Variants in RANBP2 observed in about 807,000 individuals in gnomAD.
RANBP2 encodes E3 SUMO-protein ligase RanBP2.
In RANBP2, 57 loss-of-function variants were observed where a neutral mutation model predicts 303.6. The observed-to-expected ratio is 0.19, with a 90% CI of 0.15 to 0.23. The LOEUF (loss-of-function observed/expected upper bound fraction) is 0.23, where lower values mean the gene tolerates loss of function less well. RANBP2 is among the 10% of genes least tolerant of loss of function. The pLI is 1.00. For missense variants in RANBP2, 3,138 were observed against 3,780.8 expected, an observed-to-expected ratio of 0.83 and a Z score of 4.46; for synonymous variants, 1,167 against 1,301.5, an observed-to-expected ratio of 0.90 and a Z score of 2.23.
the RANBP2 span, among the ~76,000 whole-genome samples, chr2:109,418,185 A>G: frequency 3.3e-5 from 5 of 151,946 alleles, no homozygotes; most frequent in Non-Finnish European, 5.9e-5. Flanking sequence ...TGGGACCCCT[A>G]TTCTGCCCCT....
At chr2:108,794,754 A>G in the RANBP2 span, 1 of 1,481,078 alleles carries the variant, frequency 6.8e-7, no homozygotes, top group South Asian at 1.2e-5. Context: ...AGAATTCAGA[A>G]ATATTTATGT....
At chr2:109,429,871 C>T in the RANBP2 span, among the ~76,000 whole-genome samples, 6 of 152,200 alleles carry the variant, frequency 3.9e-5, no homozygotes, top group South Asian at 2.1e-4. Context: ...CCAAGCTCCA[C>T]GCTGTGCAGG....
chr2:109,575,834 T>C, the RANBP2 span, among the ~76,000 whole-genome samples: 1 of 152,200 alleles, frequency 6.6e-6, no homozygotes, highest in Admixed American at 6.5e-5. Context: ...TTCTATAAAG[T>C]TGCCCGACCT....
At chr2:109,185,732 A>G in the RANBP2 span, among the ~76,000 whole-genome samples, 2 of 152,220 alleles carry the variant, frequency 1.3e-5, no homozygotes, top group African/African-American at 4.8e-5. Flanking sequence ...GAGACTTTAG[A>G]CAGACAAAAC....
the RANBP2 span, among the ~76,000 whole-genome samples, chr2:109,121,429 A>C: frequency 6.6e-6 from 1 of 152,246 alleles, no homozygotes; most frequent in African/African-American, 2.4e-5. Context: ...AATTACCTAG[A>C]AAAAATACCT....
the RANBP2 span, among the ~76,000 whole-genome samples, chr2:109,252,944 C>G: frequency 6.6e-6 from 1 of 152,202 alleles, no homozygotes; most frequent in Non-Finnish European, 1.5e-5. Flanking sequence ...TGACTGTAGT[C>G]AATCACCCTA....
At chr2:109,052,039 C>T in the RANBP2 span, among the ~76,000 whole-genome samples, 8 of 152,308 alleles carry the variant, frequency 5.3e-5, no homozygotes, top group East Asian at 7.7e-4. Context: ...TGAGCCACCA[C>T]GCCTGGACTA....
At chr2:109,332,932 A>G in the RANBP2 span, among the ~76,000 whole-genome samples, 1 of 152,264 alleles carries the variant, frequency 6.6e-6, no homozygotes, top group Non-Finnish European at 1.5e-5. Context: ...ATGGGAGGAA[A>G]TTAACTGTGA....
At chr2:109,660,660 G>T in the RANBP2 span, among the ~76,000 whole-genome samples, 1 of 152,248 alleles carries the variant, frequency 6.6e-6, no homozygotes, top group Non-Finnish European at 1.5e-5. Context: ...GTGGCCCAGG[G>T]AGGGGCTGAC....
the RANBP2 span, among the ~76,000 whole-genome samples, chr2:109,459,750 G>C: frequency 1.3e-5 from 2 of 152,116 alleles, no homozygotes; most frequent in African/African-American, 4.8e-5. Context: ...TTTCCTGGTG[G>C]CAACATTCCT....
chr2:109,761,656 C>T, the RANBP2 span, among the ~76,000 whole-genome samples: 1 of 148,558 alleles, frequency 6.7e-6, no homozygotes, highest in African/African-American at 2.5e-5. Flanking sequence ...TCCCCCCAAC[C>T]CGCCACTATC....
the RANBP2 span, among the ~76,000 whole-genome samples, chr2:109,446,868 C>T: frequency 6.6e-6 from 1 of 152,252 alleles, no homozygotes; most frequent in East Asian, 1.9e-4. Flanking sequence ...GGCACAGACC[C>T]TGGTGCAGTC....
the RANBP2 span, among the ~76,000 whole-genome samples, chr2:108,803,325 C>G: frequency 6.6e-6 from 1 of 152,224 alleles, no homozygotes; most frequent in African/African-American, 2.4e-5. Flanking sequence ...CTGCGGGATT[C>G]TCCCCACACT....
chr2:109,091,375 CT>C, the RANBP2 span, among the ~76,000 whole-genome samples: 1 of 152,036 alleles, frequency 6.6e-6, no homozygotes, highest in South Asian at 2.1e-4. Context: ...AGTCCTGCCC[CT>C]GATTAGAAGC....
the RANBP2 span, among the ~76,000 whole-genome samples, chr2:109,080,578 T>G: frequency 6.6e-6 from 1 of 152,174 alleles, no homozygotes; most frequent in Non-Finnish European, 1.5e-5. Flanking sequence ...CATCTACAAA[T>G]GTGCATGTGT....
chr2:108,774,034 A>G (rs900832112), intron 23 of RANBP2, among the ~76,000 whole-genome samples: 3 of 152,370 alleles, frequency 2.0e-5, no homozygotes, highest in South Asian at 2.1e-4. Flanking sequence ...ATGAATCTAC[A>G]TTGACACATC....
chr2:108,896,955 C>T, the RANBP2 span: 3 of 1,613,536 alleles, frequency 1.9e-6, no homozygotes, highest in African/African-American at 4.0e-5. Flanking sequence ...CCCCCGCCCA[C>T]TCCAGTATGT....
At chr2:109,615,386 C>T in the RANBP2 span, 1 of 1,613,068 alleles carries the variant, frequency 6.2e-7, no homozygotes, top group African/African-American at 1.3e-5. Flanking sequence ...AGCGGGACTT[C>T]ATTACCGGCT....
the RANBP2 span, among the ~76,000 whole-genome samples, chr2:109,252,791 G>A: frequency 1.3e-5 from 2 of 152,178 alleles, no homozygotes; most frequent in African/African-American, 4.8e-5. Flanking sequence ...ATAATAAAGT[G>A]TTGAATATCT....
Sources: gnomAD v4.1 joint callset for allele counts (sites outside exome capture counted in the v4.1 genomes callset) on GRCh38, gnomAD v4.1.1 for gene constraint, MANE v1.5 for transcripts, NCBI Gene and HGNC (gene_info 2026-07-23, HGNC 2026-07-21) for gene names.